PTPN13: variants seen among roughly 807,000 people sequenced by gnomAD.
PTPN13 encodes protein tyrosine phosphatase non-receptor type 13.
Under a neutral mutation model 284.0 loss-of-function variants are expected in PTPN13, and 191 were observed. That is an observed-to-expected ratio of 0.67 (90% confidence interval 0.60 to 0.76). The LOEUF (loss-of-function observed/expected upper bound fraction) is 0.76, where lower values mean the gene tolerates loss of function less well. PTPN13 is among the 30% of genes least tolerant of loss of function. The probability of loss-of-function intolerance (pLI) is 0.00; values close to 1 mark genes in which losing one functional copy is unlikely to be tolerated. For synonymous variants in PTPN13, 986 were observed against 1,022.3 expected, an observed-to-expected ratio of 0.96 and a Z score of 0.68; for missense variants, 2,797 against 2,939.9, an observed-to-expected ratio of 0.95 and a Z score of 1.12.
rs149254944 is a variant in PTPN13 at position 86,750,907 on chromosome 4, C to T, written c.3068+20C>T. 3 of 1,597,760 alleles carry T rather than the reference C, an allele frequency of 1.9e-6. No homozygotes were observed. In the Admixed American group the frequency reaches 5.2e-5, roughly 27 times the overall value. On this transcript the variant is annotated intron_variant, in intron 18 of 47. Transcript: ENST00000411767. ...TAATAAGTAAGAACATATTAACTAA[C>T]CCAATTACATATTTGTAAATTCTAC...
At chr4:86,639,567 CTA>C (rs1437839941) in intron 2 of PTPN13, among the ~76,000 whole-genome samples, 24 of 151,774 alleles carry the variant, frequency 1.6e-4, no homozygotes, top group Non-Finnish European at 2.2e-4. Flanking sequence ...TCTCAGCAAA[CTA>C]TCGCAAGGAC....
At chr4:86,774,573 A>G (rs768924854) in intron 33 of PTPN13, 42 bp downstream of exon 33, 2 of 1,514,042 alleles carry the variant, frequency 1.3e-6, no homozygotes, top group South Asian at 1.3e-5. Flanking sequence ...GTAAATGTAG[A>G]CAAAGAGCAA....
intron 2 of PTPN13, among the ~76,000 whole-genome samples, chr4:86,637,597 G>C (rs1481285544): frequency 6.6e-6 from 1 of 151,822 alleles, no homozygotes; most frequent in Non-Finnish European, 1.5e-5. Flanking sequence ...TATCTCAATA[G>C]AGGCAGAAAA....
rs753199340 is a variant in PTPN13 at position 86,775,559 on chromosome 4, A to G, written c.5798A>G (p.Tyr1933Cys). The stretch of plus-strand genomic sequence containing the variant: ...CTCCAGCTATTAGATGTCATCCATT[A>G]TGTGAACGGAGTCAGCACACAAGGA... ...GNLQLLDVIH[Y>C]VNGVSTQGMT... The change falls in exon 35 of 48, where the codon TAT (tyrosine) becomes TGT (cysteine). Residue 1933 changes from tyrosine (Y) to cysteine (C), a missense_variant. Tyr to Cys is a radical substitution (Grantham distance 194). Transcript: ENST00000411767. 2 of 1,613,720 alleles carry G rather than the reference A, an allele frequency of 1.2e-6. No homozygotes were observed. Among genetic ancestry groups the G allele is most frequent in the South Asian group, 2.2e-5 (2 of 90,980 alleles).
At chr4:86,756,269 A>G (rs1737958518) in intron 20 of PTPN13, among the ~76,000 whole-genome samples, 1 of 151,554 alleles carries the variant, frequency 6.6e-6, no homozygotes, top group Non-Finnish European at 1.5e-5. Flanking sequence ...TCACCCCCTT[A>G]TTTGTTTTAT....
chr4:86,753,237 G>A (rs1242039930), intron 20 of PTPN13, among the ~76,000 whole-genome samples, 172 bp downstream of exon 20: 2 of 152,072 alleles, frequency 1.3e-5, no homozygotes, highest in African/African-American at 4.8e-5. Context: ...TGGGACCTCT[G>A]ATTTAGGCTA....
chr4:86,752,099 T>G (rs1198257520), intron 19 of PTPN13, among the ~76,000 whole-genome samples: 1 of 152,126 alleles, frequency 6.6e-6, no homozygotes. Context: ...AAAGAATGGA[T>G]GTTTAAGCAC....
chr4:86,602,948 C>T (rs1435333051), intron 1 of PTPN13, among the ~76,000 whole-genome samples: 1 of 152,266 alleles, frequency 6.6e-6, no homozygotes, highest in East Asian at 1.9e-4. Context: ...ATCCTCCTGC[C>T]TCAGCCTCTT....
At chr4:86,610,075 G>A (rs1765130895) in intron 1 of PTPN13, among the ~76,000 whole-genome samples, 1 of 152,060 alleles carries the variant, frequency 6.6e-6, no homozygotes, top group African/African-American at 2.4e-5. Context: ...TTGGCCGGGT[G>A]TGGTGGCACG....
At chr4:86,791,509 G>A (rs1742661807) in intron 40 of PTPN13, among the ~76,000 whole-genome samples, 1 of 152,226 alleles carries the variant, frequency 6.6e-6, no homozygotes, top group Non-Finnish European at 1.5e-5. Context: ...GGTTCTCCCA[G>A]CATGGCGTTC....
At chr4:86,622,990 G>A (rs1021101872) in intron 1 of PTPN13, among the ~76,000 whole-genome samples, 6 of 152,088 alleles carry the variant, frequency 3.9e-5, no homozygotes. Flanking sequence ...ATTTCTTAGG[G>A]CAAAGAGCAT....
Position 86,750,623 on chromosome 4 carries a change from T to C in PTPN13, c.2804T>C (p.Leu935Pro), listed in dbSNP as rs1294952481. 1.2e-6 allele frequency: 2 copies of C among 1,613,858 alleles called. No homozygotes were observed. The highest frequency in any genetic ancestry group is 2.7e-5 in the African/African-American group (2 of 74,912). ...GTTCAAGCTGAGATTCTGAAGAGGC[T>C]ATCCTGCTCAGAGCTGTCGCTTTAC... Reference protein sequence around the residue: ...LSVQAEILKRLSCSELSLYQP... With the variant: ...LSVQAEILKRPSCSELSLYQP... Residue 935 changes from leucine (L) to proline (P), a missense_variant, in exon 18 of 48, where the codon CTA becomes CCA. Physicochemically the swap from Leu to Pro is moderately conservative, Grantham distance 98 (BLOSUM62 -3). Coordinates refer to ENST00000411767, the MANE Select transcript of PTPN13 (RefSeq NM_080683.3).
In PTPN13 at chr4:86,732,816, G is replaced by A. The variant is rs1483203058; in HGVS notation, c.1858+50G>A. ...GTACAGTATAGAAATTTAGCAACAA[G>A]CAGACTTCCTATGTTTGTTACCATG... On this transcript the variant is annotated intron_variant, in intron 12 of 47. Coordinates refer to ENST00000411767, the MANE Select transcript of PTPN13 (RefSeq NM_080683.3). 7 of 1,487,708 alleles carry A rather than the reference G, an allele frequency of 4.7e-6. No homozygotes were observed. The African/African-American group carries it at 9.7e-5, about 21-fold the overall frequency. The allele number at this position is 1,487,708 out of a possible 1,614,324, so 92.2% of individuals were successfully genotyped here.
intron 6 of PTPN13, among the ~76,000 whole-genome samples, chr4:86,697,499 C>T (rs1730700919): frequency 6.6e-6 from 1 of 152,038 alleles, no homozygotes; most frequent in Admixed American, 6.5e-5. Context: ...GAAGCTAAAG[C>T]CTAAACTAGT....
chr4:86,616,309 T>G (rs1195397058), intron 1 of PTPN13, among the ~76,000 whole-genome samples: 1 of 152,050 alleles, frequency 6.6e-6, no homozygotes, highest in Non-Finnish European at 1.5e-5. Context: ...AGGGAGTGGG[T>G]GATGCTGGTA....
At chr4:86,716,220 C>G (rs1030181111) in intron 7 of PTPN13, among the ~76,000 whole-genome samples, 1 of 152,152 alleles carries the variant, frequency 6.6e-6, no homozygotes, top group Non-Finnish European at 1.5e-5. Context: ...GCGATGTGCA[C>G]TATTATTATA....
intron 42 of PTPN13, among the ~76,000 whole-genome samples, chr4:86,801,973 C>G (rs932199186): frequency 1.3e-5 from 2 of 152,082 alleles, no homozygotes; most frequent in Admixed American, 6.6e-5. Context: ...ATGATGGTTC[C>G]ATTGGCTCTG....
intron 1 of PTPN13, chr4:86,595,845 TGG>T: frequency 3.2e-5 from 22 of 688,922 alleles, no homozygotes; most frequent in Non-Finnish European, 3.7e-5. Flanking sequence ...TACTAAAGGA[TGG>T]GGGGGGGAGT....
At chr4:86,673,319 G>T (rs17419627) in intron 3 of PTPN13, among the ~76,000 whole-genome samples, 23,471 of 152,122 alleles carry the variant, frequency 0.15, 2,304 homozygotes, top group East Asian at 0.28. Flanking sequence ...ACAGAGAAGA[G>T]GTAGCTATTT....
Sources: gnomAD v4.1 joint callset for allele counts (sites outside exome capture counted in the v4.1 genomes callset) on GRCh38, gnomAD v4.1.1 for gene constraint, MANE v1.5 for transcripts, NCBI Gene and HGNC (gene_info 2026-07-23, HGNC 2026-07-21) for gene names.